The following GPC5 variants were observed in gnomAD, a reference collection of about 807,000 sequenced individuals.
GPC5 encodes glypican 5, also known as glypican-5.
A neutral mutation model predicts 53.9 loss-of-function variants in GPC5; 47 were observed. The observed-to-expected ratio is 0.87, with a 90% CI of 0.69 to 1.11. The LOEUF is 1.11. GPC5 is among the 50% of genes most tolerant of loss of function. The probability of loss-of-function intolerance (pLI) is 0.00; values close to 1 mark genes in which losing one functional copy is unlikely to be tolerated. For missense variants in GPC5, 748 were observed against 713.1 expected (o/e 1.05, Z -0.56); for synonymous variants, 286 against 263.3 (o/e 1.09, Z -0.84).
intron 7 of GPC5, among the ~76,000 whole-genome samples, chr13:92,620,250 A>C (rs1320792318): frequency 6.6e-6 from 1 of 152,176 alleles, no homozygotes; most frequent in Non-Finnish European, 1.5e-5. Context: ...ACTTTCAGAA[A>C]AATATCTAAT....
At chr13:92,794,714 A>G (rs1259574596) in intron 7 of GPC5, among the ~76,000 whole-genome samples, 1 of 152,186 alleles carries the variant, frequency 6.6e-6, no homozygotes, top group Non-Finnish European at 1.5e-5. Flanking sequence ...ATGTGCAAAA[A>G]TCACAAGCAT....
intron 7 of GPC5, among the ~76,000 whole-genome samples, chr13:92,480,368 T>C (rs1228815236): frequency 6.6e-6 from 1 of 152,176 alleles, no homozygotes; most frequent in Admixed American, 6.5e-5. Context: ...AAATAATCTT[T>C]ATTCTTAGGA....
At chr13:92,280,542 T>C (rs1319380994) in intron 7 of GPC5, among the ~76,000 whole-genome samples, 1 of 152,234 alleles carries the variant, frequency 6.6e-6, no homozygotes, top group African/African-American at 2.4e-5. Flanking sequence ...AGTTTCGTTA[T>C]GTTGTTTCCA....
intron 6 of GPC5, among the ~76,000 whole-genome samples, chr13:91,948,121 G>A (rs766772581): frequency 6.6e-6 from 1 of 151,636 alleles, no homozygotes; most frequent in Non-Finnish European, 1.5e-5. Context: ...CCAGCTACTC[G>A]GGAGGCTGAG....
chr13:92,462,238 G>A (rs1020021930), intron 7 of GPC5, among the ~76,000 whole-genome samples: 2 of 152,138 alleles, frequency 1.3e-5, no homozygotes, highest in African/African-American at 4.8e-5. Flanking sequence ...CAGACTACAG[G>A]GTTCGAGGTG....
chr13:92,765,201 T>G (rs1437665777), intron 7 of GPC5, among the ~76,000 whole-genome samples: 1 of 152,150 alleles, frequency 6.6e-6, no homozygotes, highest in Non-Finnish European at 1.5e-5. Flanking sequence ...CATAGGTATT[T>G]TCCCCATGGT....
intron 7 of GPC5, among the ~76,000 whole-genome samples, chr13:92,389,077 A>G (rs976306327): frequency 3.9e-5 from 6 of 152,124 alleles, no homozygotes; most frequent in Non-Finnish European, 7.4e-5. Context: ...TAATACACAT[A>G]GTCGGCAAAT....
intron 7 of GPC5, among the ~76,000 whole-genome samples, chr13:92,620,997 A>C (rs1884851198): frequency 6.6e-6 from 1 of 152,188 alleles, no homozygotes; most frequent in Admixed American, 6.5e-5. Context: ...AACACAGTCA[A>C]TGTAAAATTC....
At chr13:92,625,092 G>A (rs1000231828) in intron 7 of GPC5, among the ~76,000 whole-genome samples, 1 of 152,094 alleles carries the variant, frequency 6.6e-6, no homozygotes, top group African/African-American at 2.4e-5. Flanking sequence ...CTATTTCTGA[G>A]ATTCTGTGTC....
chr13:92,301,018 G>A (rs989717703), intron 7 of GPC5, among the ~76,000 whole-genome samples: 1 of 152,192 alleles, frequency 6.6e-6, no homozygotes, highest in African/African-American at 2.4e-5. Context: ...AAAGTTTGCT[G>A]TTCTCCTATT....
intron 2 of GPC5, among the ~76,000 whole-genome samples, chr13:91,608,042 T>C (rs1290188744): frequency 6.6e-6 from 1 of 152,212 alleles, no homozygotes; most frequent in Non-Finnish European, 1.5e-5. Flanking sequence ...ATTTTCATAT[T>C]ATTAAACAAA....
intron 7 of GPC5, among the ~76,000 whole-genome samples, chr13:92,316,546 A>C (rs1380799991): frequency 6.6e-6 from 1 of 152,144 alleles, no homozygotes; most frequent in Admixed American, 6.5e-5. Flanking sequence ...CATAAAGAAA[A>C]GTACAATAAA....
In GPC5 at chr13:91,841,526, G is replaced by A. The variant is rs530348821; in HGVS notation, c.1281-66411G>A. Reference sequence around the variant, plus strand: ...GCTAAATGCTGTTTATGTCTTCTTCGTTCTGTTGCCCCACTTAATGATTAT... The same window carrying A: ...GCTAAATGCTGTTTATGTCTTCTTCATTCTGTTGCCCCACTTAATGATTAT... On this transcript the variant is annotated intron_variant, in intron 5 of 7. Coordinates refer to ENST00000377067, the MANE Select transcript of GPC5 (RefSeq NM_004466.6). Among the ~76,000 whole-genome samples the A allele has an allele frequency of 4.6e-5, 7 of 151,830 alleles. 1 individual carries two copies. In the Middle Eastern group the frequency reaches 0.01, roughly 221 times the overall value.
intron 7 of GPC5, among the ~76,000 whole-genome samples, chr13:92,259,940 C>T (rs537441533): frequency 6.6e-6 from 1 of 152,238 alleles, no homozygotes; most frequent in South Asian, 2.1e-4. Context: ...GGAGGAGTAC[C>T]CAAATCTCGT....
intron 7 of GPC5, among the ~76,000 whole-genome samples, chr13:92,716,975 GT>G (rs558156552): frequency 1.4e-4 from 22 of 152,128 alleles, no homozygotes; most frequent in Non-Finnish European, 3.1e-4. Context: ...GGATACTGAA[GT>G]TTGGAGAGTT....
intron 7 of GPC5, among the ~76,000 whole-genome samples, chr13:92,433,610 T>A (rs961571663): frequency 3.9e-5 from 6 of 152,172 alleles, no homozygotes; most frequent in Non-Finnish European, 7.3e-5. Flanking sequence ...AGGTGATAGA[T>A]GAATTACTTA....
intron 7 of GPC5, among the ~76,000 whole-genome samples, chr13:92,822,311 C>A (rs1412532004): frequency 1.3e-5 from 2 of 152,034 alleles, no homozygotes; most frequent in East Asian, 1.9e-4. Context: ...GAGTATATGG[C>A]AGTAATTAGT....
chr13:92,377,838 T>A (rs1452248557), intron 7 of GPC5, among the ~76,000 whole-genome samples: 1 of 152,212 alleles, frequency 6.6e-6, no homozygotes, highest in Non-Finnish European at 1.5e-5. Flanking sequence ...ATAATAATTG[T>A]ATGTGAATAT....
At chr13:91,755,463 CA>C (rs995878662) in intron 4 of GPC5, among the ~76,000 whole-genome samples, 4 of 151,538 alleles carry the variant, frequency 2.6e-5, no homozygotes, top group African/African-American at 4.8e-5. Flanking sequence ...TTGTTTATGT[CA>C]AAAAAAATCA....
Sources: allele counts gnomAD v4.1 joint callset (sites outside exome capture counted in the v4.1 genomes callset), GRCh38; gene constraint gnomAD v4.1.1; transcripts MANE v1.5; gene names NCBI Gene and HGNC (gene_info 2026-07-23, HGNC 2026-07-21).